CDK11A: variants seen among roughly 807,000 people sequenced by gnomAD.
The protein encoded by CDK11A is cyclin dependent kinase 11A.
Under a neutral mutation model 83.6 loss-of-function variants are expected in CDK11A, and 55 were observed. That is an observed-to-expected ratio of 0.66 (90% CI 0.53 to 0.82). The LOEUF is 0.82. CDK11A is among the 40% of genes least tolerant of loss of function. The pLI is 0.00. For missense variants in CDK11A, 564 were observed against 810.1 expected, an observed-to-expected ratio of 0.70 and a Z score of 3.69; for synonymous variants, 247 against 302.7, an observed-to-expected ratio of 0.82 and a Z score of 1.91.
Position 1,702,480 on chromosome 1 carries a change from C to A in CDK11A, c.*427G>T, listed in dbSNP as rs1233372436. 2.5e-5 allele frequency among the ~76,000 whole-genome samples: 3 copies of A among 119,740 alleles called. No homozygotes were observed. The East Asian group carries it at 7.6e-4, about 30-fold the overall frequency. 78.6% of individuals were successfully genotyped at this position (119,740 alleles called of 152,430 possible). A position where few individuals can be genotyped will look rare whatever the true frequency, so the allele number is the denominator to read the frequency against. On this transcript the variant is annotated 3_prime_UTR_variant, in exon 20 of 20. Coordinates refer to ENST00000404249, the MANE Select transcript of CDK11A (RefSeq NM_024011.4). ...ACAGCTGGGGCTGGGGGTTGGGGGCCGGGGGCCTGTGTGGACAGGGCTGGT... is the reference window on the plus strand; with the variant it reads ...ACAGCTGGGGCTGGGGGTTGGGGGCAGGGGGCCTGTGTGGACAGGGCTGGT...
Position 1,719,509 on chromosome 1 carries a change from T to A in CDK11A, c.228-54A>T. 2.2e-6 allele frequency: 3 copies of A among 1,350,196 alleles called. 1 individual carries two copies. The African/African-American group carries it at 4.5e-5, about 20-fold the overall frequency. The allele number at this position is 1,350,196 out of a possible 1,614,324, so 83.6% of individuals were successfully genotyped here. On this transcript the variant is annotated intron_variant, in intron 3 of 19. Coordinates refer to ENST00000404249, the MANE Select transcript of CDK11A (RefSeq NM_024011.4). Reference sequence around the variant, plus strand: ...ATGCTTGAGAAAGTGCGGAAAAGCATCAGGCTATTATGAGGTTTTTTCAAC... The same window carrying A: ...ATGCTTGAGAAAGTGCGGAAAAGCAACAGGCTATTATGAGGTTTTTTCAAC...
rs56338813 is a variant in CDK11A, at chr1:1,704,958, C to G, written c.1404G>C (p.Leu468=). 6.3e-7 allele frequency: 1 copy of G among 1,598,140 alleles called. No individual in the cohort carries two copies. The highest frequency in any genetic ancestry group is 2.3e-5 in the East Asian group (1 of 44,380). Residue 468 remains leucine, a synonymous_variant, in exon 13 of 20, where the codon CTG becomes CTC. Coordinates refer to ENST00000404249, the MANE Select transcript of CDK11A (RefSeq NM_024011.4). The stretch of plus-strand genomic sequence containing the variant: ...CCTTGAGGATGGTGTTGATCTCCCT[C>G]AGGGACGTGATCGGGAAGCCCTCCT... ...KEKEGFPITS[L]REINTILKAQ...
chr1:1,703,773 C>G (rs1284769695), intron 17 of CDK11A, 51 bp downstream of exon 17: 4 of 1,601,520 alleles, frequency 2.5e-6, no homozygotes, highest in Non-Finnish European at 3.4e-6. Context: ...CAGCCCCATT[C>G]CTGCAACTCC....
rs55888909 is a variant in CDK11A, at chr1:1,703,947, C to G, written c.1795-7G>C. The G allele has an allele frequency of 3.1e-5, 50 of 1,609,330 alleles. No homozygotes were observed. The highest frequency in any genetic ancestry group is 1.9e-4 in the African/African-American group (14 of 74,578). Reference sequence around the variant, plus strand: ...CCACGGCCGTGGAGTATTCCTAAGACGCCAGGAGAGGTGTTCAGGAAGGCC... The same window carrying G: ...CCACGGCCGTGGAGTATTCCTAAGAGGCCAGGAGAGGTGTTCAGGAAGGCC... On this transcript the variant is annotated splice_polypyrimidine_tract_variant and splice_region_variant and intron_variant, in intron 16 of 19. Transcript: ENST00000404249.
chr1:1,720,689 A>G (rs1046819033), intron 3 of CDK11A, among the ~76,000 whole-genome samples: 3 of 74,014 alleles, frequency 4.1e-5, no homozygotes, highest in African/African-American at 9.9e-5. Context: ...GAGCCATCGC[A>G]CCCGGACTTA....
At position 1,707,420 on chromosome 1, in the gene CDK11A, G is replaced by A; in HGVS notation, c.1234C>T (p.Pro412Ser). The change falls in exon 11 of 20, where the codon CCG (proline) becomes TCG (serine). Residue 412 changes from proline (P) to serine (S), a missense_variant. Pro to Ser is a moderately conservative substitution (Grantham distance 74). Transcript: ENST00000404249. ...GGGGAGGGCCTGACCTGCAGGGCCG[G>A]CAGGTACTTGGGCAGCTCCTGCTTG... ...ELKQELPKYL[P>S]ALQGCRSVEE... 1 of 1,608,012 alleles carries A rather than the reference G, an allele frequency of 6.2e-7. No homozygotes were observed. Among genetic ancestry groups the A allele is most frequent in the Non-Finnish European group, 8.5e-7 (1 of 1,176,132 alleles).
rs1246742225 is a variant in CDK11A, at chr1:1,702,664, G to T, written c.*243C>A. On this transcript the variant is annotated 3_prime_UTR_variant, in exon 20 of 20. Coordinates refer to ENST00000404249, the MANE Select transcript of CDK11A (RefSeq NM_024011.4). The stretch of plus-strand genomic sequence containing the variant: ...TGTCGAGAGTGGGAGAGGGTGTGTG[G>T]AGGTTTGTGCTGCCCCACGTGGGCA... 1 of 582,858 alleles carries T rather than the reference G, an allele frequency of 1.7e-6. No individual in the cohort carries two copies. The highest frequency in any genetic ancestry group is 3.1e-6 in the Non-Finnish European group (1 of 325,294). 36.1% of individuals were successfully genotyped at this position (582,858 alleles called of 1,614,324 possible). A position where few individuals can be genotyped will look rare whatever the true frequency, so the allele number is the denominator to read the frequency against.
intron 12 of CDK11A, 44 bp from the exon 13 acceptor site, chr1:1,705,069 C>T (rs1402652955): frequency 6.3e-7 from 1 of 1,576,944 alleles, no homozygotes; most frequent in East Asian, 2.3e-5. Context: ...TTCTCAAAGT[C>T]ACGGTACCAA....
At chr1:1,704,471 C>G (rs1364999047) in intron 14 of CDK11A, 79 bp downstream of exon 14, 1 of 1,550,208 alleles carries the variant, frequency 6.5e-7, no homozygotes, top group African/African-American at 1.4e-5. Flanking sequence ...CTGGCCCTCC[C>G]TGCAGCACTG....
chr1:1,716,755 C>A (rs1184860722), intron 4 of CDK11A, among the ~76,000 whole-genome samples: 2 of 117,608 alleles, frequency 1.7e-5, no homozygotes, highest in African/African-American at 6.6e-5. Context: ...GTGGAGGTTG[C>A]GGTGAGCCGA....
At chr1:1,720,086 T>TTTTA (rs1248216842) in intron 3 of CDK11A, among the ~76,000 whole-genome samples, 1 of 150,706 alleles carries the variant, frequency 6.6e-6, no homozygotes, top group Non-Finnish European at 1.5e-5. Flanking sequence ...TTTAATTTAA[T>TTTTA]TTTATTTATT....
At chr1:1,721,770 A>T in intron 2 of CDK11A, 59 bp from the exon 3 acceptor site, 4 of 1,445,964 alleles carry the variant, frequency 2.8e-6, no homozygotes, top group Non-Finnish European at 3.8e-6. Flanking sequence ...CTTCATAGAT[A>T]AAAGTATTTT....
intron 4 of CDK11A, among the ~76,000 whole-genome samples, chr1:1,717,688 C>T (rs1283809967): frequency 3.0e-5 from 2 of 66,122 alleles, no homozygotes; most frequent in Non-Finnish European, 3.7e-5. Context: ...CTCTGGTTTT[C>T]GGTCTGTGAC....
chr1:1,707,475 G>A lies in CDK11A; in HGVS notation c.1179C>T (p.Pro393=), dbSNP rs780290960. 18 of 1,607,016 alleles carry A rather than the reference G, an allele frequency of 1.1e-5. 1 individual carries two copies. The highest frequency in any genetic ancestry group is 3.4e-5 in the Admixed American group (2 of 59,662). Residue 393 remains proline, a synonymous_variant, in exon 11 of 20, where the codon CCC becomes CCT. Coordinates refer to ENST00000404249, the MANE Select transcript of CDK11A (RefSeq NM_024011.4). ...CGATGGGCAACAGGGCAGGGGAGTC[G>A]GGCACATAGTCGCCCTCTGTCAGGG... ...SSALTEGDYV[P]DSPALLPIEL...
At chr1:1,714,993 G>C (rs943236390) in intron 5 of CDK11A, among the ~76,000 whole-genome samples, 1 of 149,648 alleles carries the variant, frequency 6.7e-6, no homozygotes, top group Admixed American at 6.7e-5. Context: ...TGCTCTAAAC[G>C]GAGTAACCCC....
At position 1,719,095 on chromosome 1, in the gene CDK11A, C is replaced by T. The variant is rs1481046998; in HGVS notation, c.355+233G>A. The T allele has an allele frequency of 2.4e-5, 7 of 289,550 alleles. 1 individual carries two copies. Among genetic ancestry groups the T allele is most frequent in the African/African-American group, 4.4e-5 (2 of 45,292 alleles). 17.9% of individuals were successfully genotyped at this position (289,550 alleles called of 1,614,324 possible). On this transcript the variant is annotated intron_variant, in intron 4 of 19. Coordinates refer to ENST00000404249, the MANE Select transcript of CDK11A (RefSeq NM_024011.4). ...TCTGGTTTTCGGTCTGTGACGCACA[C>T]ATGCTTTCAGCTAGAGTTTGCTCTC...
chr1:1,704,062 G>C lies in CDK11A; in HGVS notation c.1771C>G (p.Pro591Ala), dbSNP rs773483575. The change falls in exon 16 of 20, where the codon CCA (proline) becomes GCA (alanine). Residue 591 changes from proline (P) to alanine (A), a missense_variant. Coordinates refer to ENST00000404249, the MANE Select transcript of CDK11A (RefSeq NM_024011.4). ...ACCTTGGCACCAAGCAGCAGCTCTG[G>C]GGCGCGGTACCACTGGGTCACCACG... is the stretch of plus-strand genomic sequence containing the variant. ...PVVVTQWYRA[P>A]ELLLGAKEYS... The C allele has an allele frequency of 1.9e-5, 31 of 1,595,596 alleles. No individual in the cohort carries two copies. Among genetic ancestry groups the C allele is most frequent in the Admixed American group, 5.1e-5 (3 of 59,038 alleles).
intron 3 of CDK11A, among the ~76,000 whole-genome samples, chr1:1,721,182 C>A (rs1644891025): frequency 8.6e-6 from 1 of 116,446 alleles, no homozygotes; most frequent in African/African-American, 2.8e-5. Flanking sequence ...GAGCAAGACT[C>A]TTGAGACACC....
intron 2 of CDK11A, 65 bp from the exon 3 acceptor site, chr1:1,721,776 A>AT (rs1277357342): frequency 7.0e-7 from 1 of 1,423,732 alleles, no homozygotes; most frequent in African/African-American, 1.4e-5. Flanking sequence ...AGATAAAAGT[A>AT]TTTTTAATGA....
Sources: allele counts gnomAD v4.1 joint callset (sites outside exome capture counted in the v4.1 genomes callset), GRCh38; gene constraint gnomAD v4.1.1; transcripts MANE v1.5; gene names NCBI Gene and HGNC (gene_info 2026-07-23, HGNC 2026-07-21).